Variants in PRRC2B observed in about 807,000 individuals in gnomAD.
The protein encoded by PRRC2B is proline rich coiled-coil 2B, also known as protein PRRC2B.
PRRC2B carries 68 observed loss-of-function variants against 242.3 expected under a neutral mutation model. The observed-to-expected ratio is 0.28, with a 90% CI of 0.23 to 0.34. The LOEUF is 0.34. PRRC2B is among the 10% of genes least tolerant of loss of function. The pLI, the probability that PRRC2B is intolerant of heterozygous loss-of-function variation, is 1.00. For synonymous variants in PRRC2B, 1,228 were observed against 1,173.6 expected (o/e 1.05, Z -0.95); for missense variants, 2,835 against 2,954.8 (o/e 0.96, Z 0.94).
chr9:131,440,892 T>C (rs140573799), intron 5 of PRRC2B, among the ~76,000 whole-genome samples: 1,527 of 152,028 alleles, frequency 0.01, 23 homozygotes, highest in Non-Finnish European at 0.013. Context: ...TTGAGTCCGG[T>C]AGTTCGAGAC....
chr9:131,478,428 C>T, intron 17 of PRRC2B, 46 bp from the exon 18 acceptor site: 1 of 1,594,570 alleles, frequency 6.3e-7, no homozygotes, highest in Non-Finnish European at 8.6e-7. Flanking sequence ...GTTCTTGTCT[C>T]CTGGTGAGTG....
intron 1 of PRRC2B, among the ~76,000 whole-genome samples, chr9:131,410,552 CG>C (rs1046588103): frequency 1.3e-5 from 2 of 152,172 alleles, no homozygotes; most frequent in African/African-American, 4.8e-5. Context: ...CACATCACCC[CG>C]GGTTCAGGTT....
At chr9:131,480,620 T>A in intron 19 of PRRC2B, among the ~76,000 whole-genome samples, 1 of 118,978 alleles carries the variant, frequency 8.4e-6, no homozygotes, top group East Asian at 2.5e-4. Context: ...TGTGAAAGGA[T>A]TTTTTTTTTT....
intron 12 of PRRC2B, among the ~76,000 whole-genome samples, chr9:131,466,347 A>G (rs1049272836): frequency 1.3e-5 from 2 of 152,188 alleles, no homozygotes; most frequent in Non-Finnish European, 2.9e-5. Context: ...TCAGTATATT[A>G]TTGTAATTAA....
intron 1 of PRRC2B, among the ~76,000 whole-genome samples, chr9:131,408,027 C>T (rs552903856): frequency 6.6e-6 from 1 of 152,160 alleles, no homozygotes; most frequent in African/African-American, 2.4e-5. Context: ...TTCGGTGCTT[C>T]TGGTGATAGT....
chr9:131,394,451 G>GCTGGGAGGCCGCGGGGC (rs1836984411), intron 1 of PRRC2B, among the ~76,000 whole-genome samples, 188 bp downstream of exon 1: 1 of 146,552 alleles, frequency 6.8e-6, no homozygotes, highest in African/African-American at 2.4e-5. Flanking sequence ...GGGCTGCGGG[G>GCTGGGAGGCCGCGGGGC]CTGGGAGGCC....
rs527757045 is a variant in PRRC2B, at chr9:131,473,428, C to A, written c.2108-80C>A. 1.8e-3 allele frequency: 1,721 copies of A among 971,150 alleles called. 19 individuals are homozygous for A. In the African/African-American group the frequency reaches 0.037, roughly 21 times the overall value. The allele number at this position is 971,150 out of a possible 1,614,324, so 60.2% of individuals were successfully genotyped here. ...TGAAAGTCAGGGTAACTGTTAACTT[C>A]TTTGGGCCTTTGGTTGACCCTGAGA... On this transcript the variant is annotated intron_variant, in intron 14 of 31. Coordinates refer to ENST00000683519, the MANE Select transcript of PRRC2B (RefSeq NM_013318.4).
intron 10 of PRRC2B, among the ~76,000 whole-genome samples, chr9:131,456,612 C>T (rs888352330): frequency 5.3e-5 from 8 of 151,244 alleles, no homozygotes; most frequent in East Asian, 1.9e-4. Flanking sequence ...CACTCCAGCC[C>T]GGGCAACAGA....
intron 1 of PRRC2B, among the ~76,000 whole-genome samples, chr9:131,407,880 A>C (rs981395833): frequency 6.6e-6 from 1 of 152,144 alleles, no homozygotes; most frequent in Non-Finnish European, 1.5e-5. Context: ...GGGTGATAGT[A>C]AGGACAGCCA....
intron 19 of PRRC2B, among the ~76,000 whole-genome samples, chr9:131,481,143 TACA>T (rs1215617960): frequency 2.6e-5 from 4 of 151,142 alleles, no homozygotes; most frequent in African/African-American, 7.3e-5. Context: ...CTCCTAAAAA[TACA>T]ACAACAACAA....
rs1023822109 is a variant in PRRC2B, at chr9:131,497,034, A to G, written c.*1160A>G. 2 of 152,212 alleles carry G rather than the reference A, an allele frequency of 1.3e-5. No homozygotes were observed. The highest frequency in any genetic ancestry group is 2.4e-5 in the African/African-American group (1 of 41,428). 9.4% of individuals were successfully genotyped at this position (152,212 alleles called of 1,614,324 possible). A position where few individuals can be genotyped will look rare whatever the true frequency, so the allele number is the denominator to read the frequency against. ...ACCTCCCACACAGCTCATCGTGAAC[A>G]CCACTTGGTGATGGAGGGAGTGGAC... On this transcript the variant is annotated 3_prime_UTR_variant, in exon 32 of 32. Coordinates refer to ENST00000683519, the MANE Select transcript of PRRC2B (RefSeq NM_013318.4).
chr9:131,461,996 A>T (rs1217621041), intron 11 of PRRC2B, among the ~76,000 whole-genome samples: 1 of 152,208 alleles, frequency 6.6e-6, no homozygotes, highest in African/African-American at 2.4e-5. Context: ...TGCTCTTGGA[A>T]ATTATTCTGC....
Position 131,459,270 on chromosome 9 carries a change from G to T in PRRC2B, c.1318G>T (p.Gly440Cys). Reference sequence around the variant, plus strand: ...AGGGAAGGACTGGGCTGAAGCAGTGGGTGCGTCCCGTGTGGTCCGAAAGGC... The same window carrying T: ...AGGGAAGGACTGGGCTGAAGCAGTGTGTGCGTCCCGTGTGGTCCGAAAGGC... The part of the protein sequence containing the change: ...EEGKDWAEAV[G>C]ASRVVRKAPD... The change falls in exon 11 of 32, where the codon GGT (glycine) becomes TGT (cysteine). Residue 440 changes from glycine to cysteine, a missense_variant. By Grantham distance (159) the Gly-to-Cys change is radical. Around this residue, in one of 7 missense-constraint regions of PRRC2B, gnomAD observed 626 missense variants for 685.5 expected, o/e 0.91. Transcript: ENST00000683519. 2 of 1,613,966 alleles carry T rather than the reference G, an allele frequency of 1.2e-6. No individual in the cohort carries two copies. Among genetic ancestry groups the T allele is most frequent in the Non-Finnish European group, 8.5e-7 (1 of 1,179,874 alleles).
At chr9:131,455,790 C>G (rs537899465) in intron 10 of PRRC2B, among the ~76,000 whole-genome samples, 1 of 152,128 alleles carries the variant, frequency 6.6e-6, no homozygotes, top group South Asian at 2.1e-4. Flanking sequence ...TTTCTTTACT[C>G]CAGATTCCTC....
chr9:131,491,729 C>T lies in PRRC2B; in HGVS notation c.6381+149C>T, dbSNP rs1702493419. On this transcript the variant is annotated intron_variant, in intron 29 of 31. Coordinates refer to ENST00000683519, the MANE Select transcript of PRRC2B (RefSeq NM_013318.4). ...GGAAGGTGACCATGTGTGGGGCCAT[C>T]ACAGAGGCAGGTCCTGGGGACTCTG... The T allele has an allele frequency of 3.9e-6, 3 of 767,686 alleles. No homozygotes were observed. In the African/African-American group the frequency reaches 5.3e-5, roughly 14 times the overall value. 47.6% of individuals were successfully genotyped at this position (767,686 alleles called of 1,614,324 possible).
chr9:131,492,083 C>T, intron 29 of PRRC2B, 86 bp from the exon 30 acceptor site: 2 of 1,063,842 alleles, frequency 1.9e-6, no homozygotes, highest in East Asian at 2.4e-5. Flanking sequence ...GCCCTCACCA[C>T]CTCTGCCCTG....
chr9:131,425,977 C>T (rs1837964502), intron 1 of PRRC2B, among the ~76,000 whole-genome samples: 1 of 151,294 alleles, frequency 6.6e-6, no homozygotes, highest in Non-Finnish European at 1.5e-5. Context: ...CCACTGCACT[C>T]CACCCTAGGT....
At chr9:131,442,362 T>G (rs1313751142) in intron 5 of PRRC2B, among the ~76,000 whole-genome samples, 1 of 151,568 alleles carries the variant, frequency 6.6e-6, no homozygotes, top group Non-Finnish European at 1.5e-5. Flanking sequence ...TACTGTATTT[T>G]AAAAATACAG....
At chr9:131,375,423 A>G (rs1836671875) in intron 1 of PRRC2B, among the ~76,000 whole-genome samples, 1 of 152,054 alleles carries the variant, frequency 6.6e-6, no homozygotes, top group Non-Finnish European at 1.5e-5. Context: ...AAATAAAAAA[A>G]TAAGGGCATT....
Sources: allele counts gnomAD v4.1 joint callset (sites outside exome capture counted in the v4.1 genomes callset), GRCh38; gene constraint gnomAD v4.1.1; regional missense constraint gnomAD v4.1.1; transcripts MANE v1.5; gene names NCBI Gene and HGNC (gene_info 2026-07-23, HGNC 2026-07-21).